Variants in TAFA1 observed in about 807,000 individuals in gnomAD.
TAFA1 encodes chemokine-like protein TAFA-1.
TAFA1 carries 4 observed loss-of-function variants against 18.5 expected under a neutral mutation model. That is an observed-to-expected ratio of 0.22 (90% CI 0.11 to 0.49). TAFA1 has a LOEUF of 0.49. Ranked by LOEUF, TAFA1 falls within the 20% of genes least tolerant of loss-of-function variation. The pLI is 0.98. For missense variants in TAFA1, 147 were observed against 169.0 expected (o/e 0.87, Z 0.72); for synonymous variants, 56 against 55.2 (o/e 1.01, Z -0.06).
At chr3:68,147,760 C>A (rs777075771) in intron 2 of TAFA1, among the ~76,000 whole-genome samples, 2 of 152,148 alleles carry the variant, frequency 1.3e-5, no homozygotes, top group Non-Finnish European at 2.9e-5. Flanking sequence ...TAATGATAGG[C>A]TTTGAGCAAA....
chr3:68,295,110 C>CATATATTTGCTA (rs148026183), intron 2 of TAFA1, among the ~76,000 whole-genome samples: 4 of 38,026 alleles, frequency 1.1e-4, no homozygotes, highest in South Asian at 1.5e-3. Flanking sequence ...CTCCTGAGCC[C>CATATATTTGCTA]TAACAGTTGA....
chr3:68,318,502 C>T (rs931915189), intron 2 of TAFA1, among the ~76,000 whole-genome samples: 3 of 152,100 alleles, frequency 2.0e-5, no homozygotes, highest in Non-Finnish European at 4.4e-5. Context: ...GAATGGAAAC[C>T]CACAGAAATG....
intron 3 of TAFA1, among the ~76,000 whole-genome samples, chr3:68,490,312 G>A (rs561425623): frequency 6.6e-6 from 1 of 152,304 alleles, no homozygotes; most frequent in South Asian, 2.1e-4. Flanking sequence ...AGACAGACCA[G>A]TGGATTTTCA....
At chr3:68,352,438 G>A (rs2069286514) in intron 2 of TAFA1, among the ~76,000 whole-genome samples, 1 of 152,020 alleles carries the variant, frequency 6.6e-6, no homozygotes, top group African/African-American at 2.4e-5. Flanking sequence ...TAGGCTTCCA[G>A]AGGTGAAAAA....
chr3:68,363,409 G>T (rs1325043971), intron 2 of TAFA1, among the ~76,000 whole-genome samples: 3 of 152,056 alleles, frequency 2.0e-5, no homozygotes, highest in African/African-American at 7.2e-5. Context: ...TTAGTCTTTG[G>T]AGCAAATCTT....
chr3:68,198,592 A>T (rs185226257), intron 2 of TAFA1, among the ~76,000 whole-genome samples: 99 of 150,886 alleles, frequency 6.6e-4, no homozygotes, highest in African/African-American at 2.2e-3. Context: ...GTAATATCTA[A>T]TTTTTTTTTA....
chr3:68,465,243 G>A (rs1005722493), intron 3 of TAFA1, among the ~76,000 whole-genome samples: 4 of 152,030 alleles, frequency 2.6e-5, no homozygotes, highest in African/African-American at 9.7e-5. Flanking sequence ...AATACTACTG[G>A]GAACAACTAG....
intron 2 of TAFA1, among the ~76,000 whole-genome samples, chr3:68,188,698 A>G (rs1559552544): frequency 6.6e-6 from 1 of 151,812 alleles, no homozygotes; most frequent in Non-Finnish European, 1.5e-5. Context: ...TTAGAGAGAG[A>G]GGAAAATTGT....
chr3:68,254,137 C>G (rs13094011), intron 2 of TAFA1, among the ~76,000 whole-genome samples: 47,836 of 116,132 alleles, frequency 0.41, 8,668 homozygotes, highest in East Asian at 0.61. Flanking sequence ...ATGTATGTAT[C>G]TATCTATCTA....
chr3:68,228,229 A>T (rs776056457), intron 2 of TAFA1, among the ~76,000 whole-genome samples: 1 of 152,026 alleles, frequency 6.6e-6, no homozygotes, highest in South Asian at 2.1e-4. Context: ...TCTTTTTCCT[A>T]ATTTTTATAT....
At chr3:68,541,598 CAA>C (rs2073376179) in intron 4 of TAFA1, among the ~76,000 whole-genome samples, 1 of 150,452 alleles carries the variant, frequency 6.6e-6, no homozygotes, top group African/African-American at 2.4e-5. Context: ...AAAAAAAAAA[CAA>C]AGAAATTTAC....
At chr3:68,518,645 T>A (rs1402834187) in intron 3 of TAFA1, among the ~76,000 whole-genome samples, 1 of 152,180 alleles carries the variant, frequency 6.6e-6, no homozygotes, top group Non-Finnish European at 1.5e-5. Context: ...ATTCTGGGAA[T>A]CAAAGTCCCC....
rs557345189 is a variant in TAFA1 at position 68,011,311 on chromosome 3, C to T, written c.118+4567C>T. On this transcript the variant is annotated intron_variant, in intron 2 of 4. Coordinates refer to ENST00000478136, the MANE Select transcript of TAFA1 (RefSeq NM_213609.4). The stretch of plus-strand genomic sequence containing the variant: ...TATTCCTGAGTCACTGCTATTTTAT[C>T]GACAGGGGTGTACGGAAATGATATA... 6.4e-4 allele frequency among the ~76,000 whole-genome samples: 98 copies of T among 152,098 alleles called. No homozygotes were observed. The South Asian group carries it at 8.7e-3, about 14-fold the overall frequency.
chr3:67,996,269 T>C, the TAFA1 span, among the ~76,000 whole-genome samples: 1 of 152,152 alleles, frequency 6.6e-6, no homozygotes, highest in Non-Finnish European at 1.5e-5. Context: ...AGTGGAATAA[T>C]ATTAGGTTGG....
chr3:68,340,467 C>T (rs890475435), intron 2 of TAFA1, among the ~76,000 whole-genome samples: 1 of 152,222 alleles, frequency 6.6e-6, no homozygotes, highest in South Asian at 2.1e-4. Context: ...GAAATAGTCT[C>T]TCCTTTGCGA....
At chr3:68,009,755 C>G (rs569096943) in intron 2 of TAFA1, among the ~76,000 whole-genome samples, 2 of 152,094 alleles carry the variant, frequency 1.3e-5, no homozygotes, top group African/African-American at 4.8e-5. Context: ...TTAATACAAT[C>G]TTTTGATTTT....
intron 2 of TAFA1, among the ~76,000 whole-genome samples, chr3:68,363,896 C>G (rs1464529030): frequency 6.6e-6 from 1 of 152,034 alleles, no homozygotes; most frequent in Non-Finnish European, 1.5e-5. Flanking sequence ...AAGTTTTTAC[C>G]CATTACCTTA....
chr3:68,299,198 T>C (rs1050665848), intron 2 of TAFA1, among the ~76,000 whole-genome samples: 36 of 152,196 alleles, frequency 2.4e-4, no homozygotes, highest in Non-Finnish European at 4.4e-5. Context: ...GTCTCTCCCA[T>C]TAGATTTTAT....
chr3:68,537,600 T>C (rs1455425775), intron 3 of TAFA1, among the ~76,000 whole-genome samples: 1 of 152,160 alleles, frequency 6.6e-6, no homozygotes, highest in African/African-American at 2.4e-5. Flanking sequence ...CAATGGGGGC[T>C]TCAGAGAAAG....
Sources: allele counts gnomAD v4.1 joint callset (sites outside exome capture counted in the v4.1 genomes callset), GRCh38; gene constraint gnomAD v4.1.1; transcripts MANE v1.5; gene names NCBI Gene and HGNC (gene_info 2026-07-23, HGNC 2026-07-21).